Variants in COL22A1 observed in about 807,000 individuals in gnomAD.
The protein encoded by COL22A1 is collagen type XXII alpha 1 chain.
In COL22A1, 221 loss-of-function variants were observed where a neutral mutation model predicts 248.9. The observed-to-expected ratio is 0.89, with a 90% CI of 0.80 to 0.99. The LOEUF (loss-of-function observed/expected upper bound fraction) is 0.99. Ranked by LOEUF, COL22A1 falls within the 50% of genes least tolerant of loss-of-function variation. The pLI, the probability that COL22A1 is intolerant of heterozygous loss-of-function variation, is 0.00. For missense variants in COL22A1, 2,240 were observed against 2,179.0 expected (o/e 1.03, Z -0.56); for synonymous variants, 891 against 793.4 (o/e 1.12, Z -2.07).
chr8:138,606,720 A>C (rs1818454516), intron 57 of COL22A1, among the ~76,000 whole-genome samples: 1 of 152,182 alleles, frequency 6.6e-6, no homozygotes, highest in African/African-American at 2.4e-5. Context: ...ACTGAGACAG[A>C]TATTTAACAA....
At chr8:138,769,010 T>C (rs1184606625) in intron 16 of COL22A1, among the ~76,000 whole-genome samples, 1 of 152,118 alleles carries the variant, frequency 6.6e-6, no homozygotes, top group African/African-American at 2.4e-5. Context: ...TCCCATCTCC[T>C]GTCTCTCCAG....
At chr8:138,902,737 TATAC>T (rs68052823) in intron 1 of COL22A1, among the ~76,000 whole-genome samples, 7,478 of 106,818 alleles carry the variant, frequency 0.07, 267 homozygotes, top group Non-Finnish European at 0.093. Context: ...TATATATATA[TATAC>T]ACACACACAC....
chr8:138,636,228 C>T (rs1821145633), intron 48 of COL22A1, among the ~76,000 whole-genome samples: 1 of 151,944 alleles, frequency 6.6e-6, no homozygotes, highest in Non-Finnish European at 1.5e-5. Flanking sequence ...CTCAGATCCA[C>T]AGAGAGAGCA....
intron 50 of COL22A1, among the ~76,000 whole-genome samples, chr8:138,627,463 T>C (rs1408944399): frequency 5.3e-5 from 8 of 152,180 alleles, no homozygotes; most frequent in African/African-American, 1.9e-4. Flanking sequence ...TATTAGACCA[T>C]TCTCTTTAAA....
chr8:138,643,191 A>T (rs1471874183), intron 47 of COL22A1, among the ~76,000 whole-genome samples: 1 of 152,238 alleles, frequency 6.6e-6, no homozygotes, highest in Non-Finnish European at 1.5e-5. Flanking sequence ...ATGCCCAGTA[A>T]GGAGTTCCAA....
chr8:138,598,741 T>C lies in COL22A1; in HGVS notation c.4343A>G (p.Gln1448Arg). The C allele has an allele frequency of 6.2e-7, 1 of 1,613,796 alleles. No homozygotes were observed. Among genetic ancestry groups the C allele is most frequent in the South Asian group, 1.1e-5 (1 of 91,052 alleles). ...TACCCTCAGTCCTGGAAATCCCGGC[T>C]GGCCTGGAGGCCCTGGGGGTCCAAC... ...GPVGPPGPPGQPGFPGLRGES... is the reference protein window; with the variant it reads ...GPVGPPGPPGRPGFPGLRGES... The change falls in exon 61 of 65, where the codon CAG (glutamine) becomes CGG (arginine). Residue 1448 changes from glutamine to arginine, a missense_variant. Gln to Arg is a conservative substitution (Grantham distance 43). Transcript: ENST00000303045.
chr8:138,636,793 T>A lies in COL22A1; in HGVS notation c.3504A>T (p.Gly1168=). 1 of 1,612,688 alleles carries A rather than the reference T, an allele frequency of 6.2e-7. No homozygotes were observed. Among genetic ancestry groups the A allele is most frequent in the Middle Eastern group, 1.7e-4 (1 of 6,058 alleles). Residue 1168 remains glycine (G), a splice_region_variant and synonymous_variant, in exon 48 of 65, where the codon GGA becomes GGT. Transcript: ENST00000303045. ...PGPPGIAGPQ[G]SQGERGADGE... is the part of the protein sequence containing the mutation. ...CATCTGCACCACGTTCTCCTTGACTTCCCTTGAAAGGAAAAAAAAGAAAAG... is the reference window on the plus strand; with the variant it reads ...CATCTGCACCACGTTCTCCTTGACTACCCTTGAAAGGAAAAAAAAGAAAAG...
chr8:138,716,629 T>A (rs1829453753), intron 28 of COL22A1, among the ~76,000 whole-genome samples, 196 bp downstream of exon 28: 1 of 152,140 alleles, frequency 6.6e-6, no homozygotes, highest in Admixed American at 6.5e-5. Flanking sequence ...CCCTCTCCTA[T>A]GCCCCCAACA....
intron 4 of COL22A1, among the ~76,000 whole-genome samples, chr8:138,841,981 A>C (rs560795822): frequency 1.3e-5 from 2 of 152,308 alleles, no homozygotes; most frequent in African/African-American, 2.4e-5. Context: ...TTTTTAAGAC[A>C]AATACGGCTT....
At chr8:138,724,213 C>G (rs966224482) in intron 25 of COL22A1, among the ~76,000 whole-genome samples, 3 of 152,230 alleles carry the variant, frequency 2.0e-5, no homozygotes, top group Non-Finnish European at 2.9e-5. Flanking sequence ...AGGGAGAAAA[C>G]ATGATCAGGA....
intron 3 of COL22A1, among the ~76,000 whole-genome samples, chr8:138,846,521 C>T (rs983586311): frequency 6.6e-6 from 1 of 152,256 alleles, no homozygotes; most frequent in East Asian, 1.9e-4. Flanking sequence ...CATCACTAAG[C>T]CTCACACATT....
intron 46 of COL22A1, 37 bp downstream of exon 46, chr8:138,649,628 G>T (rs1174612825): frequency 3.8e-6 from 6 of 1,589,432 alleles, no homozygotes; most frequent in Non-Finnish European, 5.1e-6. Context: ...TATTTTCATT[G>T]TAATGATAAA....
intron 23 of COL22A1, among the ~76,000 whole-genome samples, chr8:138,733,339 C>T (rs10096388): frequency 0.42 from 63,151 of 152,074 alleles, 14,356 homozygotes; most frequent in African/African-American, 0.61. Flanking sequence ...ATATTTCATT[C>T]TGAAAGACAG....
Position 138,616,919 on chromosome 8 carries a change from G to T in COL22A1, c.3865C>A (p.Pro1289Thr), listed in dbSNP as rs1819376242. 3 of 1,614,146 alleles carry T rather than the reference G, an allele frequency of 1.9e-6. No individual in the cohort carries two copies. The highest frequency in any genetic ancestry group is 1.3e-5 in the African/African-American group (1 of 75,084). Residue 1289 changes from proline (P) to threonine (T), a missense_variant, in exon 54 of 65, where the codon CCC becomes ACC. By Grantham distance (38) the Pro-to-Thr change is conservative. Coordinates refer to ENST00000303045, the MANE Select transcript of COL22A1 (RefSeq NM_152888.3). Reference sequence around the variant, plus strand: ...AAAGTGAGGCGCCCACTTACCCGGGGACCGGGTGCACCAGAATCGCCTGTG... The same window carrying T: ...AAAGTGAGGCGCCCACTTACCCGGGTACCGGGTGCACCAGAATCGCCTGTG... ...GHTGDSGAPG[P>T]RGESGAMGLP...
intron 63 of COL22A1, among the ~76,000 whole-genome samples, chr8:138,591,903 A>G (rs1273244273): frequency 6.6e-6 from 1 of 152,162 alleles, no homozygotes; most frequent in African/African-American, 2.4e-5. Context: ...ACACACCTAC[A>G]CACTCTCTCA....
intron 55 of COL22A1, among the ~76,000 whole-genome samples, chr8:138,615,424 G>A (rs1023748031): frequency 9.9e-5 from 15 of 151,876 alleles, no homozygotes; most frequent in African/African-American, 3.4e-4. Context: ...CCAGTTACTC[G>A]GGAGGCTGAG....
Position 138,588,767 on chromosome 8 carries a change from G to A in COL22A1, c.*486C>T, listed in dbSNP as rs531434743. ...GGTGGTGTTTGTATTATTTCTCCTGGGTGATCTCCGGGCATGACTGAGAAT... is the reference window on the plus strand; with the variant it reads ...GGTGGTGTTTGTATTATTTCTCCTGAGTGATCTCCGGGCATGACTGAGAAT... On this transcript the variant is annotated 3_prime_UTR_variant, in exon 65 of 65. Transcript: ENST00000303045. The A allele has an allele frequency of 6.5e-6, 1 of 152,856 alleles. No homozygotes were observed. The highest frequency in any genetic ancestry group is 2.4e-5 in the African/African-American group (1 of 41,502). 9.5% of individuals were successfully genotyped at this position (152,856 alleles called of 1,614,324 possible). A position where few individuals can be genotyped will look rare whatever the true frequency, so the allele number is the denominator to read the frequency against.
intron 34 of COL22A1, 49 bp from the exon 35 acceptor site, chr8:138,693,748 C>T: frequency 6.5e-7 from 1 of 1,538,356 alleles, no homozygotes; most frequent in African/African-American, 1.4e-5. Flanking sequence ...CTCAGTGATG[C>T]TGTTTCCCCT....
intron 35 of COL22A1, 56 bp from the exon 36 acceptor site, chr8:138,690,930 C>A: frequency 7.1e-7 from 1 of 1,416,434 alleles, no homozygotes. Context: ...AGTAGTTGCC[C>A]CCACTCTCTC....
Sources: allele counts gnomAD v4.1 joint callset (sites outside exome capture counted in the v4.1 genomes callset), GRCh38; gene constraint gnomAD v4.1.1; transcripts MANE v1.5; gene names NCBI Gene and HGNC (gene_info 2026-07-23, HGNC 2026-07-21).